Variants in PDGFC observed in about 807,000 individuals in gnomAD.
PDGFC encodes platelet derived growth factor C.
PDGFC carries 12 observed loss-of-function variants against 35.5 expected under a neutral mutation model. The observed-to-expected ratio is 0.34, with a 90% confidence interval of 0.22 to 0.55. PDGFC has a LOEUF of 0.55. Ranked by LOEUF, PDGFC falls within the 20% of genes least tolerant of loss-of-function variation. The pLI is 0.91. For synonymous variants in PDGFC, 159 were observed against 148.8 expected, an observed-to-expected ratio of 1.07 and a Z score of -0.50; for missense variants, 322 against 412.4, an observed-to-expected ratio of 0.78 and a Z score of 1.90.
chr4:156,764,600 C>A (rs1466643772), intron 5 of PDGFC, among the ~76,000 whole-genome samples: 5 of 152,246 alleles, frequency 3.3e-5, no homozygotes, highest in African/African-American at 4.8e-5. Context: ...ACTTCAAAGT[C>A]TTGTAATAAC....
At chr4:156,837,494 G>C (rs1047828494) in intron 2 of PDGFC, among the ~76,000 whole-genome samples, 2 of 151,776 alleles carry the variant, frequency 1.3e-5, no homozygotes, top group African/African-American at 4.8e-5. Context: ...ATATTTCTTT[G>C]GTTCTAGAAA....
At chr4:156,849,555 A>G (rs1447862044) in intron 2 of PDGFC, among the ~76,000 whole-genome samples, 1 of 152,054 alleles carries the variant, frequency 6.6e-6, no homozygotes, top group Non-Finnish European at 1.5e-5. Flanking sequence ...TTCATATGGG[A>G]TTTACAGAGT....
chr4:156,819,652 A>G (rs755593663), intron 2 of PDGFC, among the ~76,000 whole-genome samples: 1 of 152,254 alleles, frequency 6.6e-6, no homozygotes, highest in South Asian at 2.1e-4. Flanking sequence ...AGATGTACGT[A>G]TAAGGAGATT....
chr4:156,886,368 A>G (rs964112613), intron 1 of PDGFC, among the ~76,000 whole-genome samples: 2 of 152,270 alleles, frequency 1.3e-5, no homozygotes, highest in African/African-American at 4.8e-5. Context: ...ATCCCAAAAG[A>G]TTTTACCCAT....
intron 1 of PDGFC, among the ~76,000 whole-genome samples, chr4:156,963,410 G>A (rs939278487): frequency 6.6e-6 from 1 of 152,086 alleles, no homozygotes; most frequent in Admixed American, 6.5e-5. Flanking sequence ...AGTTAAGGCT[G>A]CAGTGAGCTG....
intron 1 of PDGFC, among the ~76,000 whole-genome samples, chr4:156,901,967 G>A (rs1025754529): frequency 6.6e-6 from 1 of 152,182 alleles, no homozygotes; most frequent in Non-Finnish European, 1.5e-5. Flanking sequence ...CATTGACAGC[G>A]ATGCCAGGAT....
chr4:156,775,514 T>A (rs1160205255), intron 3 of PDGFC, among the ~76,000 whole-genome samples: 2 of 152,186 alleles, frequency 1.3e-5, no homozygotes, highest in Non-Finnish European at 2.9e-5. Flanking sequence ...TAGACTGTAA[T>A]CCAAGAATGA....
At chr4:156,936,641 G>A (rs1428973979) in intron 1 of PDGFC, among the ~76,000 whole-genome samples, 1 of 152,174 alleles carries the variant, frequency 6.6e-6, no homozygotes, top group Non-Finnish European at 1.5e-5. Flanking sequence ...GAAAAGTCTT[G>A]CAAAGGAACT....
intron 1 of PDGFC, among the ~76,000 whole-genome samples, chr4:156,916,743 C>T (rs553469034): frequency 6.6e-6 from 1 of 152,310 alleles, no homozygotes; most frequent in African/African-American, 2.4e-5. Flanking sequence ...CTTAGCTACA[C>T]TTACAGCTGC....
At chr4:156,827,609 T>A (rs1220817968) in intron 2 of PDGFC, among the ~76,000 whole-genome samples, 2 of 152,106 alleles carry the variant, frequency 1.3e-5, no homozygotes, top group Non-Finnish European at 2.9e-5. Context: ...ACCATTTTTT[T>A]AAATCTTAGT....
At chr4:156,953,091 A>G (rs1732121134) in intron 1 of PDGFC, among the ~76,000 whole-genome samples, 1 of 151,992 alleles carries the variant, frequency 6.6e-6, no homozygotes, top group South Asian at 2.1e-4. Context: ...GACTTCTTAA[A>G]TATCTTGGAT....
chr4:156,859,556 A>G (rs1287489369), intron 1 of PDGFC, among the ~76,000 whole-genome samples: 1 of 152,120 alleles, frequency 6.6e-6, no homozygotes, highest in Non-Finnish European at 1.5e-5. Flanking sequence ...ATCCTAGGAC[A>G]TGATTGCCCC....
chr4:156,922,698 T>C (rs571451887), intron 1 of PDGFC, among the ~76,000 whole-genome samples: 2 of 152,280 alleles, frequency 1.3e-5, no homozygotes, highest in South Asian at 4.1e-4. Context: ...CAGAAGATTA[T>C]GGTGAACACA....
intron 1 of PDGFC, among the ~76,000 whole-genome samples, chr4:156,917,388 G>C (rs2110827834): frequency 6.6e-6 from 1 of 152,274 alleles, no homozygotes; most frequent in East Asian, 1.9e-4. Flanking sequence ...CTGAGATAAG[G>C]CAGATGGGCT....
At chr4:156,955,610 A>T (rs1219682204) in intron 1 of PDGFC, among the ~76,000 whole-genome samples, 1 of 152,004 alleles carries the variant, frequency 6.6e-6, no homozygotes, top group Non-Finnish European at 1.5e-5. Context: ...ACAAAAATCA[A>T]ACCTGATTAA....
At chr4:156,960,783 T>C (rs1213193472) in intron 1 of PDGFC, among the ~76,000 whole-genome samples, 3 of 152,050 alleles carry the variant, frequency 2.0e-5, no homozygotes, top group Non-Finnish European at 4.4e-5. Flanking sequence ...AAGAAATTCA[T>C]CTAAATTTTA....
intron 2 of PDGFC, among the ~76,000 whole-genome samples, chr4:156,836,622 C>A (rs1256417421): frequency 6.6e-6 from 1 of 152,164 alleles, no homozygotes; most frequent in African/African-American, 2.4e-5. Flanking sequence ...CATATCATTT[C>A]TTCTGCTGAA....
chr4:156,971,017 G>A lies in PDGFC; in HGVS notation c.-114C>T, dbSNP rs994221831. ...GCACTGGGGTGGAAGCGCCGAGCCTGCTCTGGCAGCAGAGAATCGCAGGGT... is the reference window on the plus strand; with the variant it reads ...GCACTGGGGTGGAAGCGCCGAGCCTACTCTGGCAGCAGAGAATCGCAGGGT... On this transcript the variant is annotated 5_prime_UTR_variant, in exon 1 of 6. An upstream open reading frame in the 5' UTR gains an earlier in-frame stop. Transcript: ENST00000502773. The A allele has an allele frequency of 3.0e-6, 2 of 672,848 alleles. No homozygotes were observed. Among genetic ancestry groups the A allele is most frequent in the Middle Eastern group, 3.8e-4 (1 of 2,660 alleles). 41.7% of individuals were successfully genotyped at this position (672,848 alleles called of 1,614,324 possible).
intron 2 of PDGFC, among the ~76,000 whole-genome samples, chr4:156,829,172 T>A (rs1728865706): frequency 6.6e-6 from 1 of 152,216 alleles, no homozygotes; most frequent in Non-Finnish European, 1.5e-5. Flanking sequence ...TCTACTAAGA[T>A]CATCACTCTT....
Sources: allele counts gnomAD v4.1 joint callset (sites outside exome capture counted in the v4.1 genomes callset), GRCh38; gene constraint gnomAD v4.1.1; transcripts MANE v1.5; gene names NCBI Gene and HGNC (gene_info 2026-07-23, HGNC 2026-07-21).